DNAI7: variants seen among roughly 807,000 people sequenced by gnomAD.
DNAI7 encodes the protein dynein axonemal intermediate chain 7.
DNAI7 carries 78 observed loss-of-function variants against 86.6 expected under a neutral mutation model. The observed-to-expected ratio is 0.90, with a 90% confidence interval of 0.75 to 1.09. DNAI7 has a LOEUF of 1.09. Ranked by LOEUF, DNAI7 falls within the 50% of genes least tolerant of loss-of-function variation. DNAI7 has a pLI of 0.00. For synonymous variants in DNAI7, 274 were observed against 273.0 expected, an observed-to-expected ratio of 1.00 and a Z score of -0.04; for missense variants, 753 against 810.2, an observed-to-expected ratio of 0.93 and a Z score of 0.86.
chr12:25,171,013 C>T (rs1453903919), intron 2 of DNAI7, among the ~76,000 whole-genome samples: 2 of 152,020 alleles, frequency 1.3e-5, no homozygotes, highest in South Asian at 4.1e-4. Context: ...TAAATGCCTA[C>T]ATCAAAAAAT....
chr12:25,165,784 T>C (rs1592565299), intron 2 of DNAI7, among the ~76,000 whole-genome samples: 1 of 152,204 alleles, frequency 6.6e-6, no homozygotes, highest in African/African-American at 2.4e-5. Context: ...CCCATAACCG[T>C]TGGAGGTATT....
intron 1 of DNAI7, among the ~76,000 whole-genome samples, chr12:25,191,833 C>T (rs1229325063): frequency 6.6e-6 from 1 of 152,196 alleles, no homozygotes; most frequent in Non-Finnish European, 1.5e-5. Flanking sequence ...TCAAAAAAGA[C>T]TCACAGTTAC....
chr12:25,152,056 T>C (rs1450141545), intron 6 of DNAI7, among the ~76,000 whole-genome samples: 1 of 152,206 alleles, frequency 6.6e-6, no homozygotes, highest in Non-Finnish European at 1.5e-5. Context: ...TGTTTAAGTG[T>C]GAATGTATTT....
chr12:25,160,683 C>T (rs1298957683), intron 3 of DNAI7, among the ~76,000 whole-genome samples: 1 of 152,210 alleles, frequency 6.6e-6, no homozygotes, highest in Non-Finnish European at 1.5e-5. Flanking sequence ...ACCATTGCTC[C>T]ATTGGTGAGA....
intron 2 of DNAI7, among the ~76,000 whole-genome samples, chr12:25,189,969 A>C (rs1950356548): frequency 6.9e-6 from 1 of 145,734 alleles, no homozygotes; most frequent in South Asian, 2.2e-4. Flanking sequence ...TGTTGCATAA[A>C]AATAGGTTGG....
chr12:25,169,847 C>CAAAAAAAAAAAAA (rs1173396136), intron 2 of DNAI7, among the ~76,000 whole-genome samples: 1 of 66,708 alleles, frequency 1.5e-5, no homozygotes, highest in Non-Finnish European at 3.8e-5. Context: ...GACTCTGTCT[C>CAAAAAAAAAAAAA]AAAAAAAAAA....
intron 9 of DNAI7, among the ~76,000 whole-genome samples, chr12:25,133,198 T>C (rs774264760): frequency 4.6e-5 from 7 of 151,650 alleles, no homozygotes; most frequent in Admixed American, 2.0e-4. Context: ...AGAATCGAAA[T>C]TTCTTTTAAA....
At chr12:25,113,938 GTTTT>G (rs112532652) in intron 13 of DNAI7, among the ~76,000 whole-genome samples, 19 of 82,828 alleles carry the variant, frequency 2.3e-4, no homozygotes, top group African/African-American at 9.3e-4. Flanking sequence ...TTCTTTCTGG[GTTTT>G]TTTTTTTTTT....
At chr12:25,120,338 G>A (rs1484697729) in intron 11 of DNAI7, among the ~76,000 whole-genome samples, 1 of 149,730 alleles carries the variant, frequency 6.7e-6, no homozygotes, top group Non-Finnish European at 1.5e-5. Context: ...GAGAGAGAGA[G>A]AGAGGAAGGA....
At chr12:25,163,257 C>A (rs577989118) in intron 2 of DNAI7, among the ~76,000 whole-genome samples, 1 of 152,180 alleles carries the variant, frequency 6.6e-6, no homozygotes, top group Non-Finnish European at 1.5e-5. Flanking sequence ...TCCCCTGTGA[C>A]CTGCACGTAC....
chr12:25,107,437 G>T (rs1330884804), downstream of DNAI7, among the ~76,000 whole-genome samples: 2 of 152,122 alleles, frequency 1.3e-5, no homozygotes, highest in Admixed American at 1.3e-4. Flanking sequence ...CAAGAATAAA[G>T]GGGGACTACT....
At chr12:25,137,307 A>C (rs1039548258) in intron 9 of DNAI7, among the ~76,000 whole-genome samples, 12 of 152,228 alleles carry the variant, frequency 7.9e-5, no homozygotes, top group Non-Finnish European at 1.8e-4. Flanking sequence ...AAGGAAAGAT[A>C]AAGTCTTTTT....
intron 9 of DNAI7, among the ~76,000 whole-genome samples, chr12:25,135,454 A>G (rs1943433333): frequency 1.3e-5 from 2 of 152,054 alleles, no homozygotes; most frequent in Non-Finnish European, 2.9e-5. Flanking sequence ...TCCACCAAAC[A>G]CAAATTTTCC....
intron 4 of DNAI7, among the ~76,000 whole-genome samples, chr12:25,157,236 C>T (rs1486353647): frequency 6.8e-6 from 1 of 147,196 alleles, no homozygotes; most frequent in Non-Finnish European, 1.5e-5. Flanking sequence ...AGAGATTGTG[C>T]CACTGCACTC....
chr12:25,146,925 G>A, intron 8 of DNAI7, 76 bp downstream of exon 8: 3 of 769,956 alleles, frequency 3.9e-6, no homozygotes. Flanking sequence ...TATGCAATAG[G>A]CATCTATCTG....
At chr12:25,150,537 G>A (rs1396429013) in intron 6 of DNAI7, among the ~76,000 whole-genome samples, 1 of 147,938 alleles carries the variant, frequency 6.8e-6, no homozygotes, top group Non-Finnish European at 1.5e-5. Context: ...CCGGGAGGCG[G>A]AGCTTGCAGT....
chr12:25,157,511 C>A (rs576327677), intron 4 of DNAI7, among the ~76,000 whole-genome samples: 2 of 152,114 alleles, frequency 1.3e-5, no homozygotes, highest in East Asian at 1.9e-4. Flanking sequence ...AAAATATAAA[C>A]AATGCCATCA....
chr12:25,114,028 C>G (rs1939559023), intron 13 of DNAI7, among the ~76,000 whole-genome samples: 2 of 146,180 alleles, frequency 1.4e-5, no homozygotes, highest in South Asian at 4.4e-4. Context: ...TCATGGCAAC[C>G]TCCCCTTCCC....
intron 2 of DNAI7, among the ~76,000 whole-genome samples, chr12:25,186,643 A>C (rs981790126): frequency 1.3e-5 from 2 of 152,174 alleles, no homozygotes; most frequent in Non-Finnish European, 2.9e-5. Context: ...TGCCAACATC[A>C]ATGTTTCGAA....
Sources: gnomAD v4.1 joint callset for allele counts (sites outside exome capture counted in the v4.1 genomes callset) on GRCh38, gnomAD v4.1.1 for gene constraint, MANE v1.5 for transcripts, NCBI Gene and HGNC (gene_info 2026-07-23, HGNC 2026-07-21) for gene names.